Variants in PDGFRA observed in about 807,000 individuals in gnomAD.
PDGFRA encodes platelet-derived growth factor receptor alpha.
In PDGFRA, 25 loss-of-function variants were observed where a neutral mutation model predicts 121.5. That is an observed-to-expected ratio of 0.21 (90% CI 0.15 to 0.29). The LOEUF (loss-of-function observed/expected upper bound fraction) is 0.29. Among genes scored for constraint, PDGFRA ranks in the 10% least tolerant of loss-of-function variants. The pLI is 1.00. For synonymous variants in PDGFRA, 463 were observed against 494.8 expected, an observed-to-expected ratio of 0.94 and a Z score of 0.85; for missense variants, 1,008 against 1,345.1, an observed-to-expected ratio of 0.75 and a Z score of 3.92.
At chr4:54,286,319 TTTTATTTA>T (rs144165770) in intron 18 of PDGFRA, among the ~76,000 whole-genome samples, 4,313 of 146,380 alleles carry the variant, frequency 0.029, 185 homozygotes, top group African/African-American at 0.09. Flanking sequence ...ATGTTAGCTA[TTTTATTTA>T]TTTATTTATT....
intron 9 of PDGFRA, 56 bp downstream of exon 9, chr4:54,272,576 A>ATCATTTGTGT: frequency 6.3e-7 from 1 of 1,578,784 alleles, no homozygotes; most frequent in Non-Finnish European, 8.7e-7. Context: ...CTCCCTTGAC[A>ATCATTTGTGT]CAAATGATGT....
Position 54,284,564 on chromosome 4 carries a change from C to CAGAGAGAGAGAGAGAG in PDGFRA, c.2324-788_2324-773dup, listed in dbSNP as rs59292448. Among the ~76,000 whole-genome samples the CAGAGAGAGAGAGAGAG allele has an allele frequency of 2.1e-3, 116 of 55,944 alleles. 2 individuals carry two copies. The highest frequency in any genetic ancestry group is 4.4e-3 in the African/African-American group (107 of 24,300). 36.7% of individuals were successfully genotyped at this position (55,944 alleles called of 152,430 possible). On this transcript the variant is annotated intron_variant, in intron 16 of 22. Coordinates refer to ENST00000257290, the MANE Select transcript of PDGFRA (RefSeq NM_006206.6). ...AGAGCAGGAGCAAGTGAGAGAGAGA[C>CAGAGAGAGAGAGAGAG]AGAGAGAGAGAGAGAGAGAGAGAGA...
intron 1 of PDGFRA, among the ~76,000 whole-genome samples, chr4:54,248,079 T>G (rs1721802419): frequency 6.6e-6 from 1 of 152,174 alleles, no homozygotes; most frequent in Non-Finnish European, 1.5e-5. Context: ...TACAAACAAA[T>G]GGAAGACCAT....
chr4:54,285,765 C>T (rs1724323735), intron 17 of PDGFRA, 76 bp from the exon 18 acceptor site: 2 of 1,494,928 alleles, frequency 1.3e-6, no homozygotes, highest in Non-Finnish European at 1.8e-6. Context: ...CACCATGGAT[C>T]AGCCAGTCTT....
At chr4:54,269,423 TCTC>T (rs1723204871) in intron 7 of PDGFRA, among the ~76,000 whole-genome samples, 1 of 152,030 alleles carries the variant, frequency 6.6e-6, no homozygotes. Flanking sequence ...ATGCTTTTCT[TCTC>T]CATTCCAGTT....
intron 16 of PDGFRA, chr4:54,281,581 G>A: frequency 1.5e-6 from 2 of 1,348,360 alleles, no homozygotes; most frequent in Non-Finnish European, 2.0e-6. Context: ...TGCTTCCCAG[G>A]CTGGGCTGGT....
intron 10 of PDGFRA, among the ~76,000 whole-genome samples, chr4:54,274,146 A>C (rs999835661): frequency 1.3e-5 from 2 of 152,236 alleles, no homozygotes; most frequent in Non-Finnish European, 2.9e-5. Flanking sequence ...AGCCAAAAGC[A>C]ATATAAGCAA....
At chr4:54,277,142 A>C (rs569108675) in intron 12 of PDGFRA, 2 of 536,246 alleles carry the variant, frequency 3.7e-6, no homozygotes, top group Admixed American at 3.0e-5. Flanking sequence ...GGAGGGCTGC[A>C]CCCTCCTTTC....
At chr4:54,270,384 T>C (rs901010773) in intron 7 of PDGFRA, among the ~76,000 whole-genome samples, 1 of 152,212 alleles carries the variant, frequency 6.6e-6, no homozygotes, top group African/African-American at 2.4e-5. Context: ...GCTGAACTGA[T>C]AGCTCTTGGA....
intron 7 of PDGFRA, among the ~76,000 whole-genome samples, chr4:54,269,447 C>A (rs1260639344): frequency 6.6e-6 from 1 of 151,722 alleles, no homozygotes; most frequent in East Asian, 1.9e-4. Context: ...GCTTTTTCAA[C>A]TGTGATGATT....
Position 54,274,537 on chromosome 4 carries a change from G to A in PDGFRA, c.1565G>A (p.Arg522His), listed in dbSNP as rs765271720. 1.1e-5 allele frequency: 17 copies of A among 1,612,544 alleles called. No individual in the cohort carries two copies. The highest frequency in any genetic ancestry group is 7.7e-5 in the South Asian group (7 of 91,056). Residue 522 changes from arginine to histidine, a missense_variant, in exon 11 of 23, where the codon CGT becomes CAT. Coordinates refer to ENST00000257290, the MANE Select transcript of PDGFRA (RefSeq NM_006206.6). ...RELKLVAPTL[R>H]SELTVAAAVL... ...TCTCTCTCTTGTCACGTAGCCCTGC[G>A]TTCTGAACTCACGGTGGCTGCTGCA...
intron 14 of PDGFRA, 117 bp from the exon 15 acceptor site, chr4:54,278,245 A>G: frequency 1.9e-6 from 1 of 536,280 alleles, no homozygotes; most frequent in Non-Finnish European, 3.1e-6. Flanking sequence ...AAAAAAAAAA[A>G]AAAAAAAACT....
Position 54,267,313 on chromosome 4 carries a change from G to A in PDGFRA, c.784G>A (p.Glu262Lys), listed in dbSNP as rs376265745. 1.9e-6 allele frequency: 3 copies of A among 1,614,166 alleles called. No homozygotes were observed. The highest frequency in any genetic ancestry group is 2.5e-6 in the Non-Finnish European group (3 of 1,180,026). Residue 262 changes from glutamate (E) to lysine (K), a missense_variant, in exon 6 of 23, where the codon GAA becomes AAA. By Grantham distance (56) the Glu-to-Lys change is moderately conservative (BLOSUM62 1). This residue lies in a region of PDGFRA where 575 missense variants were observed against 701.8 expected (regional missense o/e 0.82). Transcript: ENST00000257290. ...GAAAGGCAAAGGCATCACAATGCTGGAAGAAATCAAAGTCCCATCCATCAA... is the reference window on the plus strand; with the variant it reads ...GAAAGGCAAAGGCATCACAATGCTGAAAGAAATCAAAGTCCCATCCATCAA... ...EVKGKGITML[E>K]EIKVPSIKLV...
At chr4:54,253,242 C>T (rs1171598426) in intron 1 of PDGFRA, among the ~76,000 whole-genome samples, 1 of 152,128 alleles carries the variant, frequency 6.6e-6, no homozygotes, top group East Asian at 1.9e-4. Context: ...TGGGAGTCTG[C>T]AGAAAAAGTA....
chr4:54,290,391 G>T lies in PDGFRA; in HGVS notation c.2959G>T (p.Ala987Ser). The T allele has an allele frequency of 6.2e-7, 1 of 1,613,640 alleles. No individual in the cohort carries two copies. Among genetic ancestry groups the T allele is most frequent in the Non-Finnish European group, 8.5e-7 (1 of 1,179,490 alleles). Reference protein sequence around the residue: ...VARMRVDSDNAYIGVTYKNEE... With the variant: ...VARMRVDSDNSYIGVTYKNEE... ...ACGCATGCGTGTGGACTCAGACAATGCATACATTGGTGTCACCTACAAAAA... is the reference window on the plus strand; with the variant it reads ...ACGCATGCGTGTGGACTCAGACAATTCATACATTGGTGTCACCTACAAAAA... Residue 987 changes from alanine to serine, a missense_variant, in exon 22 of 23, where the codon GCA (alanine) becomes TCA (serine). Around this residue, in one of 5 missense-constraint regions of PDGFRA, gnomAD observed 204 missense variants for 243.0 expected, o/e 0.84. Transcript: ENST00000257290.
intron 12 of PDGFRA, among the ~76,000 whole-genome samples, chr4:54,276,218 T>A (rs990912770): frequency 2.0e-5 from 3 of 152,006 alleles, no homozygotes; most frequent in Non-Finnish European, 4.4e-5. Context: ...CACTCCCCTT[T>A]TCACCCCCTA....
Position 54,234,298 on chromosome 4 carries a change from A to C in PDGFRA, c.-13+4883A>C, listed in dbSNP as rs554238850. Reference sequence around the variant, plus strand: ...CCGCGGGCTTTCAACTGAGGTCACCACGAAAGCTAAAAGTACAACCTAAGG... The same window carrying C: ...CCGCGGGCTTTCAACTGAGGTCACCCCGAAAGCTAAAAGTACAACCTAAGG... On this transcript the variant is annotated intron_variant, in intron 1 of 22. Transcript: ENST00000257290. Among the ~76,000 whole-genome samples, 5 of 152,310 alleles carry C rather than the reference A, an allele frequency of 3.3e-5. No individual in the cohort carries two copies. The East Asian group carries it at 7.7e-4, about 24-fold the overall frequency.
At chr4:54,257,244 A>G (rs1722425668) in intron 1 of PDGFRA, among the ~76,000 whole-genome samples, 1 of 152,194 alleles carries the variant, frequency 6.6e-6, no homozygotes, top group Non-Finnish European at 1.5e-5. Context: ...ATGGTGGAAA[A>G]AGGAAGGAAC....
chr4:54,237,029 C>T (rs535776162), intron 1 of PDGFRA, among the ~76,000 whole-genome samples: 8 of 151,962 alleles, frequency 5.3e-5, no homozygotes, highest in South Asian at 4.2e-4. Context: ...AGTGCAGTGG[C>T]GAGATCCTGG....
Sources: allele counts gnomAD v4.1 joint callset (sites outside exome capture counted in the v4.1 genomes callset), GRCh38; gene constraint gnomAD v4.1.1; regional missense constraint gnomAD v4.1.1; transcripts MANE v1.5; gene names NCBI Gene and HGNC (gene_info 2026-07-23, HGNC 2026-07-21).